Variants in C1QTNF3 observed in about 807,000 individuals in gnomAD.
C1QTNF3 encodes the protein complement C1q tumor necrosis factor-related protein 3.
Under a neutral mutation model 32.6 loss-of-function variants are expected in C1QTNF3, and 26 were observed. The ratio of observed to expected loss-of-function variants is 0.80; its 90% CI spans 0.58 to 1.11. The LOEUF is 1.11. Among genes scored for constraint, C1QTNF3 ranks in the 50% least tolerant of loss-of-function variants. The probability of loss-of-function intolerance (pLI) is 0.00; values close to 1 mark genes in which losing one functional copy is unlikely to be tolerated. For missense variants in C1QTNF3, 362 were observed against 398.2 expected, an observed-to-expected ratio of 0.91 and a Z score of 0.77; for synonymous variants, 155 against 146.0, an observed-to-expected ratio of 1.06 and a Z score of -0.44.
At chr5:34,165,070 G>A in the C1QTNF3 span, 5 of 152,242 alleles carry the variant, frequency 3.3e-5, no homozygotes, top group South Asian at 2.1e-4. Flanking sequence ...AGGAAAGCTC[G>A]CTCTCTCCTG....
At chr5:34,123,045 G>A in the C1QTNF3 span, among the ~76,000 whole-genome samples, 2 of 151,524 alleles carry the variant, frequency 1.3e-5, no homozygotes, top group Admixed American at 6.6e-5. Flanking sequence ...CAGCCTTAGC[G>A]AAGTGTGTAT....
the C1QTNF3 span, among the ~76,000 whole-genome samples, chr5:34,177,647 C>T: frequency 6.6e-6 from 1 of 151,922 alleles, no homozygotes; most frequent in African/African-American, 2.4e-5. Flanking sequence ...CCACCACACC[C>T]AGCTAATTTC....
the C1QTNF3 span, among the ~76,000 whole-genome samples, chr5:34,114,106 C>A: frequency 1.3e-5 from 2 of 152,118 alleles, no homozygotes; most frequent in African/African-American, 2.4e-5. Context: ...TTAGGCATTT[C>A]TCAATCATCT....
chr5:34,189,199 G>A, the C1QTNF3 span, among the ~76,000 whole-genome samples: 5 of 140,322 alleles, frequency 3.6e-5, no homozygotes, highest in East Asian at 2.1e-4. Flanking sequence ...CACCACACCC[G>A]GCCTCTTTTT....
the C1QTNF3 span, among the ~76,000 whole-genome samples, chr5:34,117,858 TG>T: frequency 6.6e-6 from 1 of 152,202 alleles, no homozygotes; most frequent in Admixed American, 6.5e-5. Context: ...TTCTTTGTGC[TG>T]TTATTGTCAA....
chr5:34,058,073 G>A, the C1QTNF3 span, among the ~76,000 whole-genome samples: 3 of 152,178 alleles, frequency 2.0e-5, no homozygotes, highest in Admixed American at 6.5e-5. Flanking sequence ...GCACAAGCAC[G>A]TATCTACCAC....
the C1QTNF3 span, among the ~76,000 whole-genome samples, chr5:34,178,266 T>A: frequency 6.6e-6 from 1 of 152,152 alleles, no homozygotes; most frequent in South Asian, 2.1e-4. Flanking sequence ...GGGTGACAAC[T>A]GAAACTCCTC....
the C1QTNF3 span, among the ~76,000 whole-genome samples, chr5:34,095,316 T>TA: frequency 3.3e-5 from 5 of 150,944 alleles, no homozygotes; most frequent in African/African-American, 9.7e-5. Flanking sequence ...TAGTCTAAGA[T>TA]AAAAAATGAA....
the C1QTNF3 span, among the ~76,000 whole-genome samples, chr5:34,052,573 C>T: frequency 6.6e-6 from 1 of 152,324 alleles, no homozygotes; most frequent in South Asian, 2.1e-4. Flanking sequence ...CTAGCTGTTA[C>T]TTTGTCCTTT....
At chr5:34,112,945 T>C in the C1QTNF3 span, among the ~76,000 whole-genome samples, 1 of 151,808 alleles carries the variant, frequency 6.6e-6, no homozygotes, top group African/African-American at 2.4e-5. Context: ...ACAGCATGAA[T>C]GAGGACGAAA....
At chr5:34,072,377 G>GAAAGAA in the C1QTNF3 span, among the ~76,000 whole-genome samples, 1 of 143,722 alleles carries the variant, frequency 7.0e-6, no homozygotes, top group Non-Finnish European at 1.5e-5. Context: ...GAAAGAGAAA[G>GAAAGAA]AAAGAAAGAA....
At chr5:34,213,770 CAT>C in the C1QTNF3 span, among the ~76,000 whole-genome samples, 35 of 61,708 alleles carry the variant, frequency 5.7e-4, no homozygotes, top group South Asian at 1.2e-3. Context: ...CACACACACA[CAT>C]ACGTGTATAT....
chr5:34,175,003 TC>T, the C1QTNF3 span, among the ~76,000 whole-genome samples: 1 of 151,114 alleles, frequency 6.6e-6, no homozygotes, highest in Non-Finnish European at 1.5e-5. Flanking sequence ...TGCCTCAGCC[TC>T]CCAAAGTGCT....
chr5:34,087,309 T>A, the C1QTNF3 span, among the ~76,000 whole-genome samples: 1 of 151,624 alleles, frequency 6.6e-6, no homozygotes, highest in African/African-American at 2.4e-5. Context: ...AAAAAAATCA[T>A]CTTGGCATTT....
the C1QTNF3 span, among the ~76,000 whole-genome samples, chr5:34,243,925 GAAAAAAACTGAAATTATAA>G: frequency 6.6e-6 from 1 of 152,084 alleles, no homozygotes; most frequent in Non-Finnish European, 1.5e-5. Context: ...ATCTGTGTCT[GAAAAAAACTGAAATTATAA>G]AAACCAAGAG....
the C1QTNF3 span, among the ~76,000 whole-genome samples, chr5:34,137,669 T>C: frequency 7.2e-5 from 11 of 152,238 alleles, no homozygotes; most frequent in African/African-American, 2.7e-4. Context: ...TGTTCAGATA[T>C]ACAGTGACTT....
chr5:34,054,640 A>T, the C1QTNF3 span, among the ~76,000 whole-genome samples: 1 of 152,232 alleles, frequency 6.6e-6, no homozygotes, highest in East Asian at 1.9e-4. Flanking sequence ...ATTATGAAAG[A>T]GATTGTAGGG....
chr5:34,189,829 T>G, the C1QTNF3 span, among the ~76,000 whole-genome samples: 34 of 152,268 alleles, frequency 2.2e-4, no homozygotes, highest in African/African-American at 8.2e-4. Context: ...GCCCCTGGAC[T>G]GAGTGGCAGG....
the C1QTNF3 span, among the ~76,000 whole-genome samples, chr5:34,145,830 C>T: frequency 3.2e-3 from 483 of 151,954 alleles, 4 homozygotes; most frequent in African/African-American, 0.011. Context: ...TTTATTCCTG[C>T]GATGCAAAGT....
Sources: gnomAD v4.1 joint callset for allele counts (sites outside exome capture counted in the v4.1 genomes callset) on GRCh38, gnomAD v4.1.1 for gene constraint, MANE v1.5 for transcripts, NCBI Gene and HGNC (gene_info 2026-07-23, HGNC 2026-07-21) for gene names.